RYR3: variants seen among roughly 807,000 people sequenced by gnomAD.
RYR3 encodes brain ryanodine receptor-calcium release channel.
In RYR3, 207 loss-of-function variants were observed where a neutral mutation model predicts 584.3. That is an observed-to-expected ratio of 0.35 (90% CI 0.32 to 0.40). The LOEUF is 0.40. RYR3 is among the 10% of genes least tolerant of loss of function. The pLI is 1.00. For synonymous variants in RYR3, 2,416 were observed against 2,248.5 expected, an observed-to-expected ratio of 1.07 and a Z score of -2.11; for missense variants, 5,616 against 6,089.2, an observed-to-expected ratio of 0.92 and a Z score of 2.59.
At chr15:33,734,895 T>G (rs2069301706) in intron 48 of RYR3, among the ~76,000 whole-genome samples, 1 of 151,990 alleles carries the variant, frequency 6.6e-6, no homozygotes, top group African/African-American at 2.4e-5. Flanking sequence ...TTCACCATGT[T>G]AGCCAGGCTG....
rs188468489 is a variant in RYR3 at position 33,711,283 on chromosome 15, G to A, written c.6619+4229G>A. The stretch of plus-strand genomic sequence containing the variant: ...TTTTGAGACTGAGTCTCGTTCTGTC[G>A]CCCAGGCTGGAGTGCAGTGGCATGA... On this transcript the variant is annotated intron_variant, in intron 43 of 103. Transcript: ENST00000634891. 2.1e-4 allele frequency among the ~76,000 whole-genome samples: 23 copies of A among 109,332 alleles called. No individual in the cohort carries two copies. In the East Asian group the frequency reaches 4.9e-3, roughly 23 times the overall value. The allele number at this position is 109,332 out of a possible 152,430, so 71.7% of individuals were successfully genotyped here.
intron 46 of RYR3, among the ~76,000 whole-genome samples, chr15:33,727,024 A>G (rs543823154): frequency 4.6e-5 from 7 of 152,196 alleles, no homozygotes; most frequent in African/African-American, 1.4e-4. Context: ...GAGCATGCCA[A>G]CCCTCTGAGG....
intron 20 of RYR3, among the ~76,000 whole-genome samples, chr15:33,626,633 A>G (rs1022875654): frequency 2.6e-5 from 4 of 152,156 alleles, no homozygotes; most frequent in African/African-American, 9.6e-5. Context: ...CTAGAAGGAA[A>G]AAATGATTTT....
chr15:33,812,334 CAA>C (rs980231619), intron 72 of RYR3, among the ~76,000 whole-genome samples: 10 of 151,378 alleles, frequency 6.6e-5, no homozygotes, highest in Admixed American at 3.3e-4. Flanking sequence ...GCATAGGAAA[CAA>C]AGAGAATAAT....
intron 52 of RYR3, among the ~76,000 whole-genome samples, chr15:33,745,347 A>C (rs186880497): frequency 6.1e-5 from 9 of 148,318 alleles, no homozygotes; most frequent in Non-Finnish European, 1.1e-4. Context: ...CTCGGTGGTA[A>C]CTGAAACCAA....
Position 33,473,648 on chromosome 15 carries a change from A to T in RYR3, c.171+110A>T, listed in dbSNP as rs1033511860. On this transcript the variant is annotated intron_variant, in intron 2 of 103. Coordinates refer to ENST00000634891, the MANE Select transcript of RYR3 (RefSeq NM_001036.6). Reference sequence around the variant, plus strand: ...ATGAGGACGACATTTGAAAGGACACATTTATTTTTTAAATGGGAAGCAGAT... The same window carrying T: ...ATGAGGACGACATTTGAAAGGACACTTTTATTTTTTAAATGGGAAGCAGAT... 13 of 1,114,864 alleles carry T rather than the reference A, an allele frequency of 1.2e-5. 1 individual carries two copies. The highest frequency in any genetic ancestry group is 7.3e-5 in the Admixed American group (3 of 40,940). 69.1% of individuals were successfully genotyped at this position (1,114,864 alleles called of 1,614,324 possible).
chr15:33,807,657 G>C, intron 70 of RYR3, 88 bp downstream of exon 70: 1 of 1,335,554 alleles, frequency 7.5e-7, no homozygotes, highest in Admixed American at 2.0e-5. Flanking sequence ...TCACCATGGG[G>C]GTGGTAGAGA....
chr15:33,415,779 G>T (rs1333083786), intron 1 of RYR3, among the ~76,000 whole-genome samples: 2 of 152,154 alleles, frequency 1.3e-5, no homozygotes, highest in African/African-American at 4.8e-5. Flanking sequence ...GTGATGCTGA[G>T]ATTTGGGTCT....
At chr15:33,550,371 C>T in intron 10 of RYR3, 55 bp downstream of exon 10, 4 of 1,526,280 alleles carry the variant, frequency 2.6e-6, no homozygotes, top group Non-Finnish European at 3.5e-6. Context: ...AACTCAGAAA[C>T]CTCCAGGCAG....
At chr15:33,861,843 T>G (rs1490903316) in intron 102 of RYR3, among the ~76,000 whole-genome samples, 5 of 152,194 alleles carry the variant, frequency 3.3e-5, no homozygotes, top group Admixed American at 6.5e-5. Context: ...CAGGCTGGTC[T>G]TGAACTCCTG....
intron 16 of RYR3, among the ~76,000 whole-genome samples, chr15:33,588,318 T>C (rs539308307): frequency 6.6e-6 from 1 of 152,336 alleles, no homozygotes; most frequent in African/African-American, 2.4e-5. Context: ...TTCCAGTGTT[T>C]CTCAAGCTGC....
chr15:33,432,698 T>TGTGTGTGTGTGTGTGTGTGTGTG (rs2045294463), intron 1 of RYR3, among the ~76,000 whole-genome samples: 1 of 77,522 alleles, frequency 1.3e-5, no homozygotes, highest in African/African-American at 9.4e-5. Context: ...GTGTGTGTGT[T>TGTGTGTGTGTGTGTGTGTGTGTG]TAAAGTAGAG....
chr15:33,623,232 G>A lies in RYR3; in HGVS notation c.2358-575G>A, dbSNP rs1410251710. Reference sequence around the variant, plus strand: ...AGCCGCCCCCATATGGCTGCTGCGGGGGAATGCGGTCTCCACAGTGTAACA... The same window carrying A: ...AGCCGCCCCCATATGGCTGCTGCGGAGGAATGCGGTCTCCACAGTGTAACA... On this transcript the variant is annotated intron_variant, in intron 19 of 103. Coordinates refer to ENST00000634891, the MANE Select transcript of RYR3 (RefSeq NM_001036.6). Among the ~76,000 whole-genome samples, 6 of 152,218 alleles carry A rather than the reference G, an allele frequency of 3.9e-5. No individual in the cohort carries two copies. In the East Asian group the frequency reaches 1.2e-3, roughly 29 times the overall value.
chr15:33,807,601 G>A (rs374255918), intron 70 of RYR3, 32 bp downstream of exon 70: 62 of 1,549,156 alleles, frequency 4.0e-5, no homozygotes, highest in Non-Finnish European at 5.2e-5. Flanking sequence ...TGTCTTTTCT[G>A]TCCTAGTATT....
At chr15:33,454,252 G>C (rs531561035) in intron 1 of RYR3, among the ~76,000 whole-genome samples, 2 of 152,324 alleles carry the variant, frequency 1.3e-5, no homozygotes, top group African/African-American at 4.8e-5. Context: ...CCAAACTAAA[G>C]TAACTGGCCA....
At chr15:33,749,703 G>C (rs779554464) in intron 55 of RYR3, among the ~76,000 whole-genome samples, 1 of 152,182 alleles carries the variant, frequency 6.6e-6, no homozygotes, top group Non-Finnish European at 1.5e-5. Flanking sequence ...GCGGGTTCAA[G>C]TGGAAATGGA....
At chr15:33,465,176 A>G (rs1236515761) in intron 1 of RYR3, among the ~76,000 whole-genome samples, 2 of 152,054 alleles carry the variant, frequency 1.3e-5, no homozygotes, top group African/African-American at 4.8e-5. Flanking sequence ...TATCTTGGCT[A>G]TTGCGAATGT....
intron 103 of RYR3, 200 bp from the exon 104 acceptor site, chr15:33,864,931 G>A (rs368249831): frequency 3.9e-6 from 2 of 511,460 alleles, no homozygotes; most frequent in Non-Finnish European, 3.5e-6. Flanking sequence ...CTCCTTCCCT[G>A]CCAGCATGTG....
At chr15:33,660,021 A>G (rs759541058) in intron 33 of RYR3, among the ~76,000 whole-genome samples, 176 bp from the exon 34 acceptor site, 3 of 152,206 alleles carry the variant, frequency 2.0e-5, no homozygotes, top group Admixed American at 6.5e-5. Context: ...GAAAGAATCA[A>G]TTAATGCTCA....
Sources: allele counts gnomAD v4.1 joint callset (sites outside exome capture counted in the v4.1 genomes callset), GRCh38; gene constraint gnomAD v4.1.1; transcripts MANE v1.5; gene names NCBI Gene and HGNC (gene_info 2026-07-23, HGNC 2026-07-21).